Variants in ZMIZ1 observed in about 807,000 individuals in gnomAD.
ZMIZ1 encodes the protein zinc finger MIZ-type containing 1.
ZMIZ1 carries 17 observed loss-of-function variants against 113.9 expected under a neutral mutation model. The observed-to-expected ratio is 0.15, with a 90% CI of 0.10 to 0.22. ZMIZ1 has a LOEUF of 0.22. Among genes scored for constraint, ZMIZ1 ranks in the 10% least tolerant of loss-of-function variants. The probability of loss-of-function intolerance (pLI) is 1.00; values close to 1 mark genes in which losing one functional copy is unlikely to be tolerated. For missense variants in ZMIZ1, 1,059 were observed against 1,477.8 expected, an observed-to-expected ratio of 0.72 and a Z score of 4.65; for synonymous variants, 607 against 603.1, an observed-to-expected ratio of 1.01 and a Z score of -0.09.
chr10:79,164,551 G>T (rs1299744500), intron 4 of ZMIZ1, among the ~76,000 whole-genome samples: 4 of 152,194 alleles, frequency 2.6e-5, no homozygotes, highest in Non-Finnish European at 4.4e-5. Context: ...TGATGGGCCA[G>T]TTCTGTCACT....
chr10:79,219,134 G>A (rs868695989), intron 7 of ZMIZ1, among the ~76,000 whole-genome samples: 8 of 152,148 alleles, frequency 5.3e-5, no homozygotes, highest in Non-Finnish European at 8.8e-5. Flanking sequence ...GGATCAGGAA[G>A]ACAAGAGTGG....
In ZMIZ1 at chr10:79,162,143, C is replaced by T. The variant is rs903349030; in HGVS notation, c.-50+10C>T. The T allele has an allele frequency of 5.0e-6, 2 of 399,390 alleles. No individual in the cohort carries two copies. The highest frequency in any genetic ancestry group is 8.8e-6 in the Non-Finnish European group (2 of 226,396). 24.7% of individuals were successfully genotyped at this position (399,390 alleles called of 1,614,324 possible). A position where few individuals can be genotyped will look rare whatever the true frequency, so the allele number is the denominator to read the frequency against. On this transcript the variant is annotated intron_variant, in intron 4 of 24. Transcript: ENST00000334512. ...TTTGCAGATCACTGAGGTAGGTGTG[C>T]CACGGGGCTGGCGGGAGGTGGCTGG...
chr10:79,220,036 A>G (rs182599505), intron 7 of ZMIZ1, among the ~76,000 whole-genome samples: 3 of 152,144 alleles, frequency 2.0e-5, no homozygotes, highest in Admixed American at 6.5e-5. Flanking sequence ...AGGCTGGGCC[A>G]TAAGAGGGGT....
intron 7 of ZMIZ1, among the ~76,000 whole-genome samples, chr10:79,247,872 G>A (rs1159056377): frequency 6.6e-6 from 1 of 152,238 alleles, no homozygotes; most frequent in Non-Finnish European, 1.5e-5. Context: ...CACTAGCCCT[G>A]AAGTGATTGT....
intron 4 of ZMIZ1, among the ~76,000 whole-genome samples, chr10:79,194,482 C>T (rs1438209995): frequency 6.6e-6 from 1 of 152,228 alleles, no homozygotes; most frequent in Non-Finnish European, 1.5e-5. Flanking sequence ...TGGAGCTCCA[C>T]ATTTCTGTGG....
At chr10:79,264,595 C>T (rs1201398839) in intron 7 of ZMIZ1, among the ~76,000 whole-genome samples, 2 of 152,206 alleles carry the variant, frequency 1.3e-5, no homozygotes, top group African/African-American at 4.8e-5. Flanking sequence ...AGCCTTGGCC[C>T]TGGCCTGCCA....
At chr10:79,137,762 G>A (rs1845068391) in intron 2 of ZMIZ1, among the ~76,000 whole-genome samples, 4 of 152,080 alleles carry the variant, frequency 2.6e-5, no homozygotes, top group Admixed American at 2.6e-4. Context: ...GAGGAGGCAG[G>A]AGAGCCCAGA....
chr10:79,084,113 A>G (rs775501245), intron 1 of ZMIZ1, among the ~76,000 whole-genome samples: 3 of 152,160 alleles, frequency 2.0e-5, no homozygotes, highest in Admixed American at 1.3e-4. Flanking sequence ...AGGCCTTTGC[A>G]TATGCTAAGT....
intron 6 of ZMIZ1, among the ~76,000 whole-genome samples, chr10:79,215,681 C>T (rs1013855893): frequency 2.6e-5 from 4 of 152,088 alleles, no homozygotes; most frequent in African/African-American, 9.7e-5. Flanking sequence ...ACAGGCCCCC[C>T]TGTGGTGCTG....
At chr10:79,100,691 G>A (rs184162360) in intron 1 of ZMIZ1, among the ~76,000 whole-genome samples, 30 of 152,334 alleles carry the variant, frequency 2.0e-4, no homozygotes, top group East Asian at 7.7e-4. Context: ...TCCCTGCTGC[G>A]TTCCAGGAGA....
At chr10:79,223,491 CGGTCA>C (rs1035467613) in intron 7 of ZMIZ1, among the ~76,000 whole-genome samples, 11 of 152,228 alleles carry the variant, frequency 7.2e-5, no homozygotes, top group African/African-American at 2.4e-4. Context: ...TCCACCGCCC[CGGTCA>C]GGTGCCCCTA....
intron 8 of ZMIZ1, 78 bp downstream of exon 8, chr10:79,277,403 G>A: frequency 6.8e-7 from 1 of 1,473,676 alleles, no homozygotes; most frequent in Non-Finnish European, 9.0e-7. Flanking sequence ...CATGTCCCTG[G>A]GGTGGGGGCC....
At chr10:79,202,213 AAG>A (rs1564716644) in intron 5 of ZMIZ1, among the ~76,000 whole-genome samples, 9 of 59,634 alleles carry the variant, frequency 1.5e-4, no homozygotes, top group South Asian at 5.3e-4. Flanking sequence ...AAAAAAAAAA[AAG>A]AAAGAAAGAA....
chr10:79,210,166 A>G (rs1293778093), intron 6 of ZMIZ1, among the ~76,000 whole-genome samples: 1 of 152,146 alleles, frequency 6.6e-6, no homozygotes, highest in Non-Finnish European at 1.5e-5. Flanking sequence ...CAGAGGATGG[A>G]GGAGGTGGGA....
chr10:79,184,701 A>G (rs1046607053), intron 4 of ZMIZ1, among the ~76,000 whole-genome samples: 1 of 152,172 alleles, frequency 6.6e-6, no homozygotes, highest in Non-Finnish European at 1.5e-5. Flanking sequence ...GGAGATGCCA[A>G]TGGAGCCGTG....
intron 1 of ZMIZ1, among the ~76,000 whole-genome samples, chr10:79,072,340 C>T (rs977016688): frequency 1.3e-5 from 2 of 152,216 alleles, no homozygotes; most frequent in Non-Finnish European, 2.9e-5. Context: ...CATAGATATG[C>T]CTCCAACATA....
chr10:79,248,314 T>G (rs1479401002), intron 7 of ZMIZ1, among the ~76,000 whole-genome samples: 1 of 152,100 alleles, frequency 6.6e-6, no homozygotes, highest in Admixed American at 6.5e-5. Context: ...TGCGAAGGCT[T>G]GGAAACCAGG....
rs538113133 is a variant in ZMIZ1, at chr10:79,235,027, G to A, written c.280+18753G>A. Among the ~76,000 whole-genome samples, 283 of 152,358 alleles carry A rather than the reference G, an allele frequency of 1.9e-3. 1 individual carries two copies. The highest frequency in any genetic ancestry group is 6.5e-3 in the African/African-American group (270 of 41,582). ...CTTGGCCTCCTGGGCCAAAGAGCAC[G>A]CAGTTCTGTGAGCTCAGCTCTGCAG... is the stretch of plus-strand genomic sequence containing the variant. On this transcript the variant is annotated intron_variant, in intron 7 of 24. Transcript: ENST00000334512.
At chr10:79,261,808 T>G (rs1342566005) in intron 7 of ZMIZ1, among the ~76,000 whole-genome samples, 1 of 152,184 alleles carries the variant, frequency 6.6e-6, no homozygotes, top group African/African-American at 2.4e-5. Flanking sequence ...GGTTACCTTG[T>G]TACACCTTTA....
Sources: gnomAD v4.1 joint callset for allele counts (sites outside exome capture counted in the v4.1 genomes callset) on GRCh38, gnomAD v4.1.1 for gene constraint, MANE v1.5 for transcripts, NCBI Gene and HGNC (gene_info 2026-07-23, HGNC 2026-07-21) for gene names.